LARGE1: variants seen among roughly 807,000 people sequenced by gnomAD.
The protein encoded by LARGE1 is LARGE xylosyl- and glucuronyltransferase 1.
In LARGE1, 43 loss-of-function variants were observed where a neutral mutation model predicts 87.6. The observed-to-expected ratio is 0.49, with a 90% CI of 0.38 to 0.63. LARGE1 has a LOEUF of 0.63. Ranked by LOEUF, LARGE1 falls within the 30% of genes least tolerant of loss-of-function variation. LARGE1 has a pLI of 0.00. For missense variants in LARGE1, 802 were observed against 1,000.2 expected (o/e 0.80, Z 2.67); for synonymous variants, 434 against 394.6 (o/e 1.10, Z -1.18).
At chr22:33,286,161 C>A (rs1214563396) in intron 12 of LARGE1, among the ~76,000 whole-genome samples, 1 of 152,162 alleles carries the variant, frequency 6.6e-6, no homozygotes, top group African/African-American at 2.4e-5. Context: ...TCAGCCTGTC[C>A]CAGCCTGGAT....
intron 7 of LARGE1, among the ~76,000 whole-genome samples, chr22:33,409,119 G>A (rs1286707185): frequency 1.3e-5 from 2 of 152,218 alleles, no homozygotes; most frequent in Non-Finnish European, 2.9e-5. Context: ...ATAGGGCTCT[G>A]CCAACCAATT....
At chr22:33,651,893 G>T (rs1236236001) in intron 2 of LARGE1, among the ~76,000 whole-genome samples, 1 of 152,198 alleles carries the variant, frequency 6.6e-6, no homozygotes. Flanking sequence ...CTGAGGCACG[G>T]CCGCGTGTGG....
intron 11 of LARGE1, among the ~76,000 whole-genome samples, chr22:33,181,534 C>CTTTT (rs137369): frequency 1.4e-5 from 2 of 145,996 alleles, no homozygotes; most frequent in Non-Finnish European, 3.0e-5. Flanking sequence ...CTACATTACT[C>CTTTT]TTTTTTTTTT....
At chr22:33,459,884 T>A (rs1214461914) in intron 6 of LARGE1, among the ~76,000 whole-genome samples, 27 of 141,428 alleles carry the variant, frequency 1.9e-4, no homozygotes, top group East Asian at 6.4e-4. Flanking sequence ...AGAACAATGC[T>A]GGCAAGTTCC....
intron 2 of LARGE1, among the ~76,000 whole-genome samples, chr22:33,653,908 T>G (rs1347252546): frequency 6.6e-6 from 1 of 152,154 alleles, no homozygotes; most frequent in Non-Finnish European, 1.5e-5. Flanking sequence ...GGTTAATCCG[T>G]AAGAACATGG....
At chr22:33,379,253 G>GATTT (rs1386829612) in intron 9 of LARGE1, among the ~76,000 whole-genome samples, 27 of 107,414 alleles carry the variant, frequency 2.5e-4, no homozygotes, top group Middle Eastern at 4.1e-3. Flanking sequence ...TTTGCTGAGT[G>GATTT]ATTTCTTTCT....
intron 11 of LARGE1, among the ~76,000 whole-genome samples, chr22:33,196,767 A>G (rs1249423492): frequency 6.6e-6 from 1 of 152,042 alleles, no homozygotes; most frequent in Non-Finnish European, 1.5e-5. Context: ...AAAAAAGTAG[A>G]AAGAAGAAGA....
intron 14 of LARGE1, among the ~76,000 whole-genome samples, chr22:33,275,463 T>C (rs555246179): frequency 6.6e-6 from 1 of 152,296 alleles, no homozygotes; most frequent in Non-Finnish European, 1.5e-5. Context: ...GCGGCTGTTT[T>C]AGGTAGAACA....
intron 14 of LARGE1, among the ~76,000 whole-genome samples, chr22:33,276,438 C>A (rs993664951): frequency 2.6e-5 from 4 of 152,188 alleles, no homozygotes; most frequent in Non-Finnish European, 5.9e-5. Flanking sequence ...GAAAAGGAGA[C>A]CTGTAGGTCC....
downstream of LARGE1, among the ~76,000 whole-genome samples, chr22:33,158,073 G>A (rs5754474): frequency 0.42 from 64,098 of 151,820 alleles, 13,957 homozygotes; most frequent in South Asian, 0.68. Flanking sequence ...ACAGTGTATT[G>A]TATATTTAAA....
At chr22:33,647,540 A>C (rs1261331831) in intron 3 of LARGE1, among the ~76,000 whole-genome samples, 1 of 152,192 alleles carries the variant, frequency 6.6e-6, no homozygotes, top group East Asian at 1.9e-4. Context: ...GGCTGGGGTG[A>C]AAGATAAAGA....
At chr22:33,219,312 G>A (rs1024035478) in intron 11 of LARGE1, among the ~76,000 whole-genome samples, 2 of 152,144 alleles carry the variant, frequency 1.3e-5, no homozygotes, top group Non-Finnish European at 2.9e-5. Flanking sequence ...GTCTCTCATC[G>A]TGTCAGTCAA....
chr22:33,661,951 T>A (rs1421353331), intron 2 of LARGE1, among the ~76,000 whole-genome samples: 1 of 152,008 alleles, frequency 6.6e-6, no homozygotes, highest in Non-Finnish European at 1.5e-5. Context: ...GAAAACTGAA[T>A]GTGAAACATG....
intron 1 of LARGE1, among the ~76,000 whole-genome samples, chr22:33,824,354 A>G (rs888582696): frequency 6.6e-6 from 1 of 152,220 alleles, no homozygotes; most frequent in Non-Finnish European, 1.5e-5. Flanking sequence ...GGAAGCAAGC[A>G]TGCCTTCACA....
intron 1 of LARGE1, among the ~76,000 whole-genome samples, chr22:33,853,238 A>G (rs904711008): frequency 1.3e-5 from 2 of 152,152 alleles, no homozygotes; most frequent in African/African-American, 4.8e-5. Context: ...TCCCTGCCAC[A>G]AGCTTCCTTC....
intron 11 of LARGE1, among the ~76,000 whole-genome samples, chr22:33,184,850 C>T (rs56355841): frequency 0.03 from 4,594 of 152,162 alleles, 94 homozygotes; most frequent in Admixed American, 0.057. Context: ...GTTAAAACAA[C>T]GCCATGATAT....
intron 1 of LARGE1, among the ~76,000 whole-genome samples, chr22:33,768,407 T>C (rs1026320761): frequency 6.6e-6 from 1 of 150,376 alleles, no homozygotes; most frequent in African/African-American, 2.5e-5. Flanking sequence ...CTGCACACCT[T>C]TACCCAAGCC....
In LARGE1 at chr22:33,304,400, G is replaced by A; in HGVS notation, c.1559C>T (p.Ser520Phe). The change falls in exon 12 of 15, where the codon TCT becomes TTT. Residue 520 changes from serine (S) to phenylalanine (F), a missense_variant. This residue lies in a region of LARGE1 where 625 missense variants were observed against 841.9 expected (regional missense o/e 0.74). Coordinates refer to ENST00000397394, the MANE Select transcript of LARGE1 (RefSeq NM_133642.5). ...AQQFLRYAQG[S>F]EVLMSRHNVG... The stretch of plus-strand genomic sequence containing the variant: ...GTTGTGGCGGCTCATAAGCACCTCA[G>A]AGCCCTGTGCGTAGCGGAGGAACTG... 1 of 1,614,258 alleles carries A rather than the reference G, an allele frequency of 6.2e-7. No individual in the cohort carries two copies. The highest frequency in any genetic ancestry group is 8.5e-7 in the Non-Finnish European group (1 of 1,180,042).
intron 7 of LARGE1, among the ~76,000 whole-genome samples, chr22:33,402,499 A>G (rs746425011): frequency 1.3e-5 from 2 of 152,154 alleles, no homozygotes; most frequent in African/African-American, 2.4e-5. Flanking sequence ...GGGGCAGCTG[A>G]GCAAAAAAAT....
Sources: allele counts gnomAD v4.1 joint callset (sites outside exome capture counted in the v4.1 genomes callset), GRCh38; gene constraint gnomAD v4.1.1; regional missense constraint gnomAD v4.1.1; transcripts MANE v1.5; gene names NCBI Gene and HGNC (gene_info 2026-07-23, HGNC 2026-07-21).